KLHL28: variants seen among roughly 807,000 people sequenced by gnomAD.
KLHL28 encodes the protein kelch-like protein 28.
A neutral mutation model predicts 48.3 loss-of-function variants in KLHL28; 22 were observed. The ratio of observed to expected loss-of-function variants is 0.46; its 90% CI spans 0.33 to 0.65. The LOEUF (loss-of-function observed/expected upper bound fraction) is 0.65. Ranked by LOEUF, KLHL28 falls within the 30% of genes least tolerant of loss-of-function variation. The probability of loss-of-function intolerance (pLI) is 0.03; values close to 1 mark genes in which losing one functional copy is unlikely to be tolerated. For missense variants in KLHL28, 527 were observed against 704.3 expected, an observed-to-expected ratio of 0.75 and a Z score of 2.85; for synonymous variants, 243 against 242.4, an observed-to-expected ratio of 1.00 and a Z score of -0.02.
In KLHL28 at chr14:44,927,863, AAAG is replaced by A. The variant is rs1246461279; in HGVS notation, c.*1162_*1164del. The stretch of plus-strand genomic sequence containing the variant: ...GACATGTAATATCTAGCACAAGAAG[AAAG>A]AAGATCAAAAGTGTAACTTTCTTTA... On this transcript the variant is annotated 3_prime_UTR_variant, in exon 5 of 5. Coordinates refer to ENST00000396128, the MANE Select transcript of KLHL28 (RefSeq NM_017658.5). The A allele has an allele frequency of 2.6e-5, 4 of 152,754 alleles. No individual in the cohort carries two copies. The East Asian group carries it at 5.8e-4, about 22-fold the overall frequency. The allele number at this position is 152,754 out of a possible 1,614,324, so 9.5% of individuals were successfully genotyped here. A position where few individuals can be genotyped will look rare whatever the true frequency, so the allele number is the denominator to read the frequency against.
In KLHL28 at chr14:44,945,140, C is replaced by A; in HGVS notation, c.789G>T (p.Met263Ile). Residue 263 changes from methionine to isoleucine, a missense_variant, in exon 2 of 5, where the codon ATG becomes ATT. Met to Ile is a conservative substitution (Grantham distance 10). Transcript: ENST00000396128. ...LLNEALKYHF[M>I]PEHRLSHQTV... ...TCTGATGAGAGAGTCTATGTTCAGGCATAAAGTGGTACTTTAGGGCTTCAT... is the reference window on the plus strand; with the variant it reads ...TCTGATGAGAGAGTCTATGTTCAGGAATAAAGTGGTACTTTAGGGCTTCAT... The A allele has an allele frequency of 6.2e-7, 1 of 1,614,118 alleles. No homozygotes were observed. The highest frequency in any genetic ancestry group is 8.5e-7 in the Non-Finnish European group (1 of 1,179,976).
In KLHL28 at chr14:44,925,452, CAATAAAACCT is replaced by C. The variant is rs753490616; in HGVS notation, c.*3566_*3575del. The C allele has an allele frequency of 2.0e-5, 3 of 151,894 alleles. No homozygotes were observed. The highest frequency in any genetic ancestry group is 4.4e-5 in the Non-Finnish European group (3 of 67,924). The allele number at this position is 151,894 out of a possible 1,614,324, so 9.4% of individuals were successfully genotyped here. ...GTTTTTTAATATTTCTTTTTCATGC[CAATAAAACCT>C]AATTGGACACTAAGGAATTGCTTAT... On this transcript the variant is annotated 3_prime_UTR_variant, in exon 5 of 5. Transcript: ENST00000396128.
chr14:44,948,528 CAGA>C (rs1269236735), intron 1 of KLHL28, among the ~76,000 whole-genome samples: 1 of 152,054 alleles, frequency 6.6e-6, no homozygotes, highest in East Asian at 1.9e-4. Context: ...CCACTTATCT[CAGA>C]AGTTTACCTG....
chr14:44,937,319 T>A (rs992187344), intron 2 of KLHL28, among the ~76,000 whole-genome samples: 27 of 152,130 alleles, frequency 1.8e-4, no homozygotes, highest in African/African-American at 6.0e-4. Flanking sequence ...CTAACTTTTT[T>A]TGTATTTTTA....
rs1185013160 is a variant in KLHL28, at chr14:44,924,871, G to A, written c.*4157C>T. The A allele has an allele frequency of 6.6e-6, 1 of 152,570 alleles. No individual in the cohort carries two copies. The highest frequency in any genetic ancestry group is 2.4e-5 in the African/African-American group (1 of 41,446). 9.5% of individuals were successfully genotyped at this position (152,570 alleles called of 1,614,324 possible). A position where few individuals can be genotyped will look rare whatever the true frequency, so the allele number is the denominator to read the frequency against. On this transcript the variant is annotated 3_prime_UTR_variant, in exon 5 of 5. Transcript: ENST00000396128. ...GGATAACAATTTTTCTCTCTGCAGA[G>A]ATGTAAACTGGATTTTTATTTGACT...
chr14:44,937,099 T>A (rs1254772287), intron 2 of KLHL28, among the ~76,000 whole-genome samples: 2 of 152,146 alleles, frequency 1.3e-5, no homozygotes, highest in Non-Finnish European at 2.9e-5. Context: ...TATGGTTAAC[T>A]CTTAAGACTT....
intron 2 of KLHL28, among the ~76,000 whole-genome samples, chr14:44,935,821 C>G (rs1310169829): frequency 2.2e-5 from 3 of 136,428 alleles, no homozygotes; most frequent in Non-Finnish European, 4.8e-5. Context: ...ATTCTTGATA[C>G]CCTGCACCCA....
chr14:44,960,408 G>A (rs1419105667), intron 1 of KLHL28, among the ~76,000 whole-genome samples: 1 of 152,168 alleles, frequency 6.6e-6, no homozygotes, highest in Non-Finnish European at 1.5e-5. Flanking sequence ...GTCTAGGTTA[G>A]TTTGAACTGG....
At position 44,927,821 on chromosome 14, in the gene KLHL28, T is replaced by C. The variant is rs1486906114; in HGVS notation, c.*1207A>G. 1 of 152,614 alleles carries C rather than the reference T, an allele frequency of 6.6e-6. No homozygotes were observed. The highest frequency in any genetic ancestry group is 1.5e-5 in the Non-Finnish European group (1 of 68,006). The allele number at this position is 152,614 out of a possible 1,614,324, so 9.5% of individuals were successfully genotyped here. A position where few individuals can be genotyped will look rare whatever the true frequency, so the allele number is the denominator to read the frequency against. ...TAGTGCTTTATATTTAATGCATATA[T>C]TTCTGTTTTTAAGAAAGACATGTAA... is the stretch of plus-strand genomic sequence containing the variant. On this transcript the variant is annotated 3_prime_UTR_variant, in exon 5 of 5. Coordinates refer to ENST00000396128, the MANE Select transcript of KLHL28 (RefSeq NM_017658.5).
At chr14:44,941,869 A>C (rs1884110529) in intron 2 of KLHL28, among the ~76,000 whole-genome samples, 1 of 152,002 alleles carries the variant, frequency 6.6e-6, no homozygotes, top group Non-Finnish European at 1.5e-5. Context: ...TTAAATATTA[A>C]TGTTTCCCAG....
intron 2 of KLHL28, among the ~76,000 whole-genome samples, chr14:44,940,735 C>T (rs1884036868): frequency 1.3e-5 from 2 of 152,198 alleles, no homozygotes; most frequent in Non-Finnish European, 2.9e-5. Context: ...TCTATCATTG[C>T]TTTTGATATC....
intron 2 of KLHL28, among the ~76,000 whole-genome samples, chr14:44,942,623 C>G (rs539763437): frequency 1.4e-4 from 21 of 151,952 alleles, no homozygotes; most frequent in African/African-American, 4.3e-4. Flanking sequence ...GAACCCTTTA[C>G]TTCTGAATAC....
intron 1 of KLHL28, among the ~76,000 whole-genome samples, chr14:44,958,016 T>C (rs767885713): frequency 4.6e-5 from 7 of 151,120 alleles, no homozygotes; most frequent in Non-Finnish European, 8.9e-5. Flanking sequence ...CTTCCAGTAT[T>C]TGCCTAAAAG....
At chr14:44,954,238 A>G (rs1884704794) in intron 1 of KLHL28, among the ~76,000 whole-genome samples, 1 of 152,232 alleles carries the variant, frequency 6.6e-6, no homozygotes, top group Non-Finnish European at 1.5e-5. Flanking sequence ...CAGCAAAATT[A>G]CATTTGGATT....
chr14:44,955,690 C>T (rs1884764888), intron 1 of KLHL28, among the ~76,000 whole-genome samples: 1 of 152,086 alleles, frequency 6.6e-6, no homozygotes, highest in African/African-American at 2.4e-5. Flanking sequence ...GGGGGCTGAG[C>T]TAGGAGAATT....
intron 2 of KLHL28, among the ~76,000 whole-genome samples, chr14:44,937,151 T>G (rs900208226): frequency 1.1e-4 from 17 of 150,392 alleles, no homozygotes; most frequent in African/African-American, 3.4e-4. Flanking sequence ...TTTTTTTCTT[T>G]TTTTTTTTTT....
intron 1 of KLHL28, among the ~76,000 whole-genome samples, chr14:44,947,438 T>C (rs1884386059): frequency 6.6e-6 from 1 of 152,240 alleles, no homozygotes; most frequent in South Asian, 2.1e-4. Context: ...GTGTAATTTG[T>C]TACAGTAACC....
chr14:44,934,380 T>G lies in KLHL28; in HGVS notation c.1078A>C (p.Asn360His). 6.2e-7 allele frequency: 1 copy of G among 1,614,176 alleles called. No homozygotes were observed. The highest frequency in any genetic ancestry group is 8.5e-7 in the Non-Finnish European group (1 of 1,180,014). ...GAAGTCCAAGTATTTGTATCAGGAT[T>G]CCAGCATTCCACTGAATTTTCATGT... ...RKHENSVECW[N>H]PDTNTWTSLE... Residue 360 changes from asparagine (N) to histidine (H), a missense_variant, in exon 3 of 5, where the codon AAT becomes CAT. Transcript: ENST00000396128.
In KLHL28 at chr14:44,927,444, G is replaced by T. The variant is rs780223582; in HGVS notation, c.*1584C>A. ...TTTTTTTCTTAAGAAAAATTATCTTGCAGAGACTTTATAAGGAGATCGCAA... is the reference window on the plus strand; with the variant it reads ...TTTTTTTCTTAAGAAAAATTATCTTTCAGAGACTTTATAAGGAGATCGCAA... On this transcript the variant is annotated 3_prime_UTR_variant, in exon 5 of 5. Coordinates refer to ENST00000396128, the MANE Select transcript of KLHL28 (RefSeq NM_017658.5). The T allele has an allele frequency of 6.6e-6, 1 of 152,194 alleles. No individual in the cohort carries two copies. The highest frequency in any genetic ancestry group is 1.5e-5 in the Non-Finnish European group (1 of 67,946). The allele number at this position is 152,194 out of a possible 1,614,324, so 9.4% of individuals were successfully genotyped here.
Sources: gnomAD v4.1 joint callset for allele counts (sites outside exome capture counted in the v4.1 genomes callset) on GRCh38, gnomAD v4.1.1 for gene constraint, MANE v1.5 for transcripts, NCBI Gene and HGNC (gene_info 2026-07-23, HGNC 2026-07-21) for gene names.